PHIP: variants seen among roughly 807,000 people sequenced by gnomAD.
The protein encoded by PHIP is PHIP subunit of CUL4-Ring ligase complex.
Under a neutral mutation model 236.8 loss-of-function variants are expected in PHIP, and 54 were observed. The observed-to-expected ratio is 0.23, with a 90% confidence interval of 0.18 to 0.29. PHIP has a LOEUF of 0.29. Among genes scored for constraint, PHIP ranks in the 10% least tolerant of loss-of-function variants. The probability of loss-of-function intolerance (pLI) is 1.00; values close to 1 mark genes in which losing one functional copy is unlikely to be tolerated. For missense variants in PHIP, 1,370 were observed against 2,190.8 expected (o/e 0.63, Z 7.48); for synonymous variants, 756 against 718.9 (o/e 1.05, Z -0.83).
At chr6:79,026,383 T>G (rs531781392) in intron 7 of PHIP, among the ~76,000 whole-genome samples, 1 of 152,134 alleles carries the variant, frequency 6.6e-6, no homozygotes, top group African/African-American at 2.4e-5. Context: ...TGGGATAAGA[T>G]AATTAATATT....
At chr6:79,047,350 CTAGT>C (rs1486761105) in intron 6 of PHIP, among the ~76,000 whole-genome samples, 2 of 152,124 alleles carry the variant, frequency 1.3e-5, no homozygotes, top group African/African-American at 2.4e-5. Context: ...TACTTCACAC[CTAGT>C]TATTTTTCGA....
intron 4 of PHIP, among the ~76,000 whole-genome samples, chr6:79,074,622 T>G (rs761635969): frequency 1.7e-4 from 26 of 152,244 alleles, no homozygotes; most frequent in Admixed American, 5.2e-4. Flanking sequence ...CCATTTACTT[T>G]GTTAAAAATG....
intron 24 of PHIP, among the ~76,000 whole-genome samples, chr6:78,971,121 T>C (rs1304522028): frequency 6.6e-6 from 1 of 152,204 alleles, no homozygotes; most frequent in Non-Finnish European, 1.5e-5. Flanking sequence ...TGAAAAGTTA[T>C]TTTCTGGTTT....
intron 30 of PHIP, among the ~76,000 whole-genome samples, 167 bp downstream of exon 30, chr6:78,962,930 G>C (rs1022928499): frequency 4.6e-5 from 7 of 152,128 alleles, no homozygotes; most frequent in Admixed American, 3.3e-4. Context: ...GTTTTAAATA[G>C]TTAAGTCCTG....
Position 78,961,699 on chromosome 6 carries a change from C to G in PHIP, c.3647G>C (p.Arg1216Thr). 3 of 1,611,904 alleles carry G rather than the reference C, an allele frequency of 1.9e-6. No individual in the cohort carries two copies. Among genetic ancestry groups the G allele is most frequent in the Middle Eastern group, 1.7e-4 (1 of 6,050 alleles). The change falls in exon 31 of 40, where the codon AGG becomes ACG. Residue 1216 changes from arginine to threonine, a missense_variant. This residue lies in a region of PHIP where 238 missense variants were observed against 398.5 expected (regional missense o/e 0.60). Coordinates refer to ENST00000275034, the MANE Select transcript of PHIP (RefSeq NM_017934.7). ...LSTIKQRLEN[R>T]FYRRVSSLMW... is the part of the protein sequence containing the mutation. ...ATCAAATGGTTCTAACCTGTAAAAC[C>G]TGTTTTCCAGTCTTTGTTTAATTGT...
At chr6:79,072,225 C>T (rs1232163736) in intron 4 of PHIP, among the ~76,000 whole-genome samples, 1 of 152,138 alleles carries the variant, frequency 6.6e-6, no homozygotes, top group African/African-American at 2.4e-5. Context: ...TCCTAAATGT[C>T]ATTTGATGAT....
intron 15 of PHIP, among the ~76,000 whole-genome samples, chr6:79,011,255 A>T (rs1770558695): frequency 6.6e-6 from 1 of 151,874 alleles, no homozygotes; most frequent in Non-Finnish European, 1.5e-5. Flanking sequence ...TCCTCTGAAT[A>T]CTCAAGTTAT....
chr6:79,060,590 G>A lies in PHIP; in HGVS notation c.341-14C>T. On this transcript the variant is annotated splice_polypyrimidine_tract_variant and intron_variant, in intron 5 of 39. Transcript: ENST00000275034. ...CATGCTTGCAGCCTATTAAACACAT[G>A]TATTTTTATGCATACAAAGAACACA... 1 of 1,611,332 alleles carries A rather than the reference G, an allele frequency of 6.2e-7. No homozygotes were observed. The highest frequency in any genetic ancestry group is 8.5e-7 in the Non-Finnish European group (1 of 1,178,242).
chr6:78,973,977 A>T (rs1281634427), intron 24 of PHIP, among the ~76,000 whole-genome samples: 3 of 152,140 alleles, frequency 2.0e-5, no homozygotes, highest in Admixed American at 2.0e-4. Flanking sequence ...CGAGACAGAA[A>T]GTTAACAAGG....
chr6:78,953,651 C>T (rs2127689650), intron 35 of PHIP, among the ~76,000 whole-genome samples: 1 of 152,220 alleles, frequency 6.6e-6, no homozygotes, highest in African/African-American at 2.4e-5. Context: ...ATGTTTCTGG[C>T]ATTTTAAATG....
intron 10 of PHIP, among the ~76,000 whole-genome samples, chr6:79,018,666 T>C (rs1410825721): frequency 1.3e-5 from 2 of 151,972 alleles, no homozygotes; most frequent in African/African-American, 2.4e-5. Context: ...AAGAACAATA[T>C]GTAGCGAATT....
chr6:79,017,697 C>G, intron 10 of PHIP, 114 bp from the exon 11 acceptor site: 1 of 665,214 alleles, frequency 1.5e-6, no homozygotes, highest in South Asian at 2.0e-5. Flanking sequence ...TATTTTACTC[C>G]AAAACCATTC....
intron 31 of PHIP, 145 bp downstream of exon 31, chr6:78,961,545 A>G (rs951243823): frequency 5.6e-6 from 4 of 715,896 alleles, no homozygotes; most frequent in Non-Finnish European, 9.0e-6. Flanking sequence ...AATCTACTGA[A>G]TAAGATTCTA....
intron 9 of PHIP, among the ~76,000 whole-genome samples, chr6:79,023,399 C>T (rs1436333987): frequency 6.6e-6 from 1 of 152,070 alleles, no homozygotes. Flanking sequence ...TGTGCCCAGC[C>T]AGAGTACTCA....
chr6:79,017,185 G>A (rs868328271), intron 12 of PHIP, among the ~76,000 whole-genome samples, 161 bp downstream of exon 12: 12 of 152,036 alleles, frequency 7.9e-5, no homozygotes, highest in Middle Eastern at 6.8e-3. Context: ...AGAGAAAGAC[G>A]TGCCTATGCA....
chr6:78,945,563 A>G, intron 38 of PHIP, 66 bp from the exon 39 acceptor site: 1 of 1,001,532 alleles, frequency 1.0e-6, no homozygotes, highest in Non-Finnish European at 1.5e-6. Context: ...AAAAAGGTTA[A>G]CCTGAATTAT....
intron 7 of PHIP, among the ~76,000 whole-genome samples, chr6:79,039,708 C>T (rs1772116626): frequency 6.6e-6 from 1 of 152,032 alleles, no homozygotes; most frequent in African/African-American, 2.4e-5. Flanking sequence ...GGGGGGAAAA[C>T]TCTGCTTTTT....
In PHIP at chr6:78,934,695, G is replaced by A. The variant is rs1773197649; in HGVS notation, c.*5998C>T. Among the ~76,000 whole-genome samples, 1 of 152,148 alleles carries A rather than the reference G, an allele frequency of 6.6e-6. No individual in the cohort carries two copies. The highest frequency in any genetic ancestry group is 2.1e-4 in the South Asian group (1 of 4,824). ...TATACAAATGAGATTATCACCACTG[G>A]CTATTTGAACAGAATTAGACCTCAC... On this transcript the variant is annotated 3_prime_UTR_variant, in exon 40 of 40. Coordinates refer to ENST00000275034, the MANE Select transcript of PHIP (RefSeq NM_017934.7).
At chr6:79,020,400 T>C (rs539305046) in intron 9 of PHIP, among the ~76,000 whole-genome samples, 3 of 152,332 alleles carry the variant, frequency 2.0e-5, no homozygotes, top group South Asian at 2.1e-4. Flanking sequence ...AAATCTCATT[T>C]AGAGAGACAG....
Sources: allele counts gnomAD v4.1 joint callset (sites outside exome capture counted in the v4.1 genomes callset), GRCh38; gene constraint gnomAD v4.1.1; regional missense constraint gnomAD v4.1.1; transcripts MANE v1.5; gene names NCBI Gene and HGNC (gene_info 2026-07-23, HGNC 2026-07-21).